Variants in RAP1GAP2 observed in about 807,000 individuals in gnomAD.
RAP1GAP2 encodes the protein rap1 GTPase-activating protein 2.
RAP1GAP2 carries 27 observed loss-of-function variants against 95.0 expected under a neutral mutation model. The observed-to-expected ratio is 0.28, with a 90% CI of 0.21 to 0.39. The LOEUF is 0.39. Ranked by LOEUF, RAP1GAP2 falls within the 10% of genes least tolerant of loss-of-function variation. The pLI is 1.00. For synonymous variants in RAP1GAP2, 373 were observed against 380.9 expected, an observed-to-expected ratio of 0.98 and a Z score of 0.24; for missense variants, 771 against 970.0, an observed-to-expected ratio of 0.79 and a Z score of 2.72.
chr17:2,927,411 C>T (rs1323848606), intron 3 of RAP1GAP2, among the ~76,000 whole-genome samples: 5 of 152,168 alleles, frequency 3.3e-5, no homozygotes, highest in Admixed American at 6.5e-5. Flanking sequence ...CCTTGGCCTC[C>T]CAAAGTGCTG....
chr17:2,860,472 G>C (rs1170009011), intron 2 of RAP1GAP2, among the ~76,000 whole-genome samples: 2 of 151,680 alleles, frequency 1.3e-5, no homozygotes. Flanking sequence ...TGGTCTCCTG[G>C]CTTCTAGTCT....
intron 2 of RAP1GAP2, among the ~76,000 whole-genome samples, chr17:2,836,500 C>T (rs530018664): frequency 6.7e-4 from 102 of 152,056 alleles, no homozygotes; most frequent in African/African-American, 1.0e-3. Flanking sequence ...GGCATGGTGG[C>T]GGGCAACTGC....
At chr17:2,862,599 T>C (rs2072447598) in intron 2 of RAP1GAP2, among the ~76,000 whole-genome samples, 1 of 151,932 alleles carries the variant, frequency 6.6e-6, no homozygotes, top group African/African-American at 2.4e-5. Context: ...GTAGGCAAGA[T>C]GATTTCAGGT....
At chr17:2,907,293 GGTA>G (rs1285895432) in intron 3 of RAP1GAP2, among the ~76,000 whole-genome samples, 2 of 152,080 alleles carry the variant, frequency 1.3e-5, no homozygotes, top group African/African-American at 4.8e-5. Flanking sequence ...AAATGGCGGT[GGTA>G]CCATGAGAAG....
At chr17:2,868,337 C>G (rs1354544927) in intron 2 of RAP1GAP2, among the ~76,000 whole-genome samples, 1 of 152,164 alleles carries the variant, frequency 6.6e-6, no homozygotes, top group Non-Finnish European at 1.5e-5. Context: ...AAAAACACGA[C>G]TGCAGAAGGG....
chr17:2,889,533 T>G (rs185779342), intron 2 of RAP1GAP2, among the ~76,000 whole-genome samples: 1 of 152,126 alleles, frequency 6.6e-6, no homozygotes, highest in Non-Finnish European at 1.5e-5. Context: ...TTCTGAACTT[T>G]CCAGCCGTGA....
intron 2 of RAP1GAP2, among the ~76,000 whole-genome samples, chr17:2,880,274 C>G (rs1408590601): frequency 6.7e-6 from 1 of 148,980 alleles, no homozygotes; most frequent in East Asian, 2.0e-4. Context: ...CACAGGAACC[C>G]ACAGGCTGTG....
At chr17:2,980,017 T>A (rs895326836) in intron 8 of RAP1GAP2, among the ~76,000 whole-genome samples, 1 of 151,832 alleles carries the variant, frequency 6.6e-6, no homozygotes, top group Admixed American at 6.6e-5. Flanking sequence ...CTCGACTCAC[T>A]GCAACCTCCG....
intron 3 of RAP1GAP2, among the ~76,000 whole-genome samples, chr17:2,941,991 G>C (rs1007699627): frequency 1.3e-5 from 2 of 152,100 alleles, no homozygotes; most frequent in African/African-American, 4.8e-5. Flanking sequence ...CCGACTCTCT[G>C]GGCTTTGTCC....
chr17:2,781,912 CTG>C (rs1355981538), intron 1 of RAP1GAP2, among the ~76,000 whole-genome samples: 1 of 151,870 alleles, frequency 6.6e-6, no homozygotes, highest in Non-Finnish European at 1.5e-5. Flanking sequence ...GTGCAGGTCT[CTG>C]TGTGGGCACG....
At chr17:3,002,137 A>T (rs1274788330) in intron 14 of RAP1GAP2, among the ~76,000 whole-genome samples, 1 of 152,058 alleles carries the variant, frequency 6.6e-6, no homozygotes, top group East Asian at 1.9e-4. Context: ...TAATTTTTGT[A>T]TTTTTGGTAG....
chr17:2,999,487 A>G (rs2046080502), intron 14 of RAP1GAP2, among the ~76,000 whole-genome samples: 1 of 152,216 alleles, frequency 6.6e-6, no homozygotes, highest in Non-Finnish European at 1.5e-5. Context: ...GGGGGAGGAA[A>G]GATGAGCCTG....
chr17:2,854,240 C>A (rs1597444738), intron 2 of RAP1GAP2: 1 of 798,682 alleles, frequency 1.3e-6, no homozygotes, highest in Non-Finnish European at 1.5e-6. Context: ...GTCGTGCGAA[C>A]CGAGTTCGGA....
chr17:2,943,290 GCAAAC>G (rs1159183548), intron 3 of RAP1GAP2, among the ~76,000 whole-genome samples: 2 of 152,276 alleles, frequency 1.3e-5, no homozygotes, highest in African/African-American at 4.8e-5. Flanking sequence ...GGAAATATTT[GCAAAC>G]CATATATCAG....
rs1166657429 is a variant in RAP1GAP2, at chr17:3,037,040, C to T, written c.*3679C>T. On this transcript the variant is annotated 3_prime_UTR_variant, in exon 25 of 25. Coordinates refer to ENST00000254695, the MANE Select transcript of RAP1GAP2 (RefSeq NM_015085.5). ...ACCCTGTATCGAGGCAAGGGGAGGC[C>T]AGTAAAGTTTGCCAAGCCTGATCCT... The T allele has an allele frequency of 6.6e-6, 1 of 152,590 alleles. No individual in the cohort carries two copies. The highest frequency in any genetic ancestry group is 1.5e-5 in the Non-Finnish European group (1 of 68,078). 9.5% of individuals were successfully genotyped at this position (152,590 alleles called of 1,614,324 possible).
intron 10 of RAP1GAP2, 146 bp downstream of exon 10, chr17:2,981,394 C>T (rs1459517428): frequency 4.0e-6 from 3 of 746,718 alleles, no homozygotes; most frequent in Non-Finnish European, 2.2e-6. Flanking sequence ...TCTCCCTGCC[C>T]ACCCCTTCAC....
chr17:2,915,901 C>T (rs1320488472), intron 3 of RAP1GAP2, among the ~76,000 whole-genome samples: 4 of 151,894 alleles, frequency 2.6e-5, no homozygotes, highest in African/African-American at 7.2e-5. Flanking sequence ...GGTTTCACCA[C>T]GTTGGCCAGG....
intron 2 of RAP1GAP2, among the ~76,000 whole-genome samples, chr17:2,841,684 T>C (rs1326554833): frequency 6.6e-6 from 1 of 152,136 alleles, no homozygotes; most frequent in African/African-American, 2.4e-5. Context: ...CAGGAAGATG[T>C]TGAGAGTATG....
chr17:3,013,812 G>A (rs989812488), intron 17 of RAP1GAP2, among the ~76,000 whole-genome samples: 2 of 151,872 alleles, frequency 1.3e-5, no homozygotes, highest in Admixed American at 6.6e-5. Context: ...TACCTGCTAT[G>A]TGGGCTTGGG....
Sources: allele counts gnomAD v4.1 joint callset (sites outside exome capture counted in the v4.1 genomes callset), GRCh38; gene constraint gnomAD v4.1.1; transcripts MANE v1.5; gene names NCBI Gene and HGNC (gene_info 2026-07-23, HGNC 2026-07-21).